LINGO2: variants seen among roughly 807,000 people sequenced by gnomAD.
LINGO2 encodes the protein leucine rich repeat and Ig domain containing 2.
LINGO2 carries 14 observed loss-of-function variants against 30.6 expected under a neutral mutation model. The ratio of observed to expected loss-of-function variants is 0.46; its 90% CI spans 0.30 to 0.72. LINGO2 has a LOEUF of 0.72. LINGO2 is among the 30% of genes least tolerant of loss of function. The pLI is 0.07. For missense variants in LINGO2, 729 were observed against 751.7 expected (o/e 0.97, Z 0.35); for synonymous variants, 317 against 288.5 (o/e 1.10, Z -1.00).
chr9:28,818,476 C>T, the LINGO2 span, among the ~76,000 whole-genome samples: 1 of 152,138 alleles, frequency 6.6e-6, no homozygotes, highest in Admixed American at 6.5e-5. Flanking sequence ...CCTCTACCTC[C>T]TGGGTTCAAG....
At chr9:29,114,009 T>A in the LINGO2 span, among the ~76,000 whole-genome samples, 1 of 151,676 alleles carries the variant, frequency 6.6e-6, no homozygotes, top group Non-Finnish European at 1.5e-5. Flanking sequence ...ACAACAACAA[T>A]GCTCCTGCTC....
the LINGO2 span, among the ~76,000 whole-genome samples, chr9:28,731,082 C>G: frequency 1.3e-5 from 2 of 152,032 alleles, no homozygotes; most frequent in Non-Finnish European, 2.9e-5. Context: ...CCTCTGCCTC[C>G]CGGATTGAAG....
At chr9:29,110,113 G>T in the LINGO2 span, among the ~76,000 whole-genome samples, 5 of 143,394 alleles carry the variant, frequency 3.5e-5, no homozygotes, top group Non-Finnish European at 7.7e-5. Context: ...GTTAGTGCTT[G>T]TATATGCAAG....
chr9:28,541,587 T>A (rs980281303), intron 1 of LINGO2, among the ~76,000 whole-genome samples: 2 of 152,172 alleles, frequency 1.3e-5, no homozygotes, highest in East Asian at 3.9e-4. Flanking sequence ...TGGGAAGCCA[T>A]GTCCACTAAT....
the LINGO2 span, among the ~76,000 whole-genome samples, chr9:28,989,788 G>A: frequency 6.6e-5 from 10 of 152,154 alleles, no homozygotes. Flanking sequence ...ATGAGATTAA[G>A]TTTTAGAAAG....
the LINGO2 span, among the ~76,000 whole-genome samples, chr9:29,212,774 T>C: frequency 1.3e-5 from 2 of 152,156 alleles, no homozygotes; most frequent in East Asian, 1.9e-4. Flanking sequence ...CCGCACCGGC[T>C]ACTCCCTGAC....
intron 1 of LINGO2, among the ~76,000 whole-genome samples, chr9:28,665,891 C>CTT (rs35393752): frequency 5.3e-5 from 7 of 132,446 alleles, no homozygotes; most frequent in East Asian, 2.2e-4. Context: ...TTTGGTGTTA[C>CTT]TTTTTTTTTT....
At chr9:28,023,046 T>C (rs1163537846) in intron 4 of LINGO2, among the ~76,000 whole-genome samples, 1 of 152,124 alleles carries the variant, frequency 6.6e-6, no homozygotes, top group South Asian at 2.1e-4. Context: ...TCTCTGATTA[T>C]ATTAATCATG....
the LINGO2 span, among the ~76,000 whole-genome samples, chr9:28,794,378 C>G: frequency 0.71 from 108,568 of 152,126 alleles, 38,836 homozygotes; most frequent in Middle Eastern, 0.82. Context: ...ACTAGATTAA[C>G]TTTATGCTAC....
chr9:28,293,683 T>A (rs10968453), intron 4 of LINGO2, among the ~76,000 whole-genome samples: 1 of 152,022 alleles, frequency 6.6e-6, no homozygotes, highest in Non-Finnish European at 1.5e-5. Context: ...AATGTTAACG[T>A]CTCCAAAAAA....
intron 3 of LINGO2, among the ~76,000 whole-genome samples, chr9:28,301,874 G>C (rs572691861): frequency 2.0e-5 from 3 of 152,178 alleles, no homozygotes; most frequent in South Asian, 4.1e-4. Flanking sequence ...GCTAACCATG[G>C]ACCTCTCAGC....
intron 4 of LINGO2, chr9:28,080,877 C>G (rs1825753945): frequency 6.6e-6 from 1 of 152,094 alleles, no homozygotes; most frequent in Admixed American, 6.6e-5. Flanking sequence ...TGGGAGGAGG[C>G]CATGAAGAGA....
the LINGO2 span, among the ~76,000 whole-genome samples, chr9:28,683,294 G>A: frequency 4.6e-5 from 7 of 151,944 alleles, no homozygotes; most frequent in Admixed American, 6.6e-5. Context: ...TAGATGAGCC[G>A]AACACATTTT....
the LINGO2 span, among the ~76,000 whole-genome samples, chr9:29,078,338 A>G: frequency 6.6e-6 from 1 of 152,086 alleles, no homozygotes; most frequent in South Asian, 2.1e-4. Flanking sequence ...TAACTTGTTT[A>G]GGAAATGAAA....
In LINGO2 at chr9:28,378,702, A is replaced by C. The variant is rs758092341; in HGVS notation, c.-278-5834T>G. 2.0e-5 allele frequency among the ~76,000 whole-genome samples: 3 copies of C among 152,314 alleles called. No homozygotes were observed. In the East Asian group the frequency reaches 5.8e-4, roughly 29 times the overall value. On this transcript the variant is annotated intron_variant, in intron 2 of 5. Coordinates refer to ENST00000379992, the Ensembl canonical transcript of LINGO2. ...AATACATAAACCTGGAAACTTCAGA[A>C]AGGCAGCAACATAGATTTACATCAA...
intron 5 of LINGO2, among the ~76,000 whole-genome samples, chr9:27,973,722 C>T (rs928975194): frequency 3.3e-5 from 5 of 152,030 alleles, no homozygotes; most frequent in Non-Finnish European, 7.4e-5. Context: ...CCTGGGCGTC[C>T]TTGAAGACCA....
chr9:28,377,237 C>T (rs1821164604), intron 2 of LINGO2, among the ~76,000 whole-genome samples: 1 of 152,130 alleles, frequency 6.6e-6, no homozygotes, highest in Admixed American at 6.6e-5. Context: ...CCCGAGAGAG[C>T]AAGACCAACC....
intron 4 of LINGO2, among the ~76,000 whole-genome samples, chr9:28,084,240 A>G (rs1048450032): frequency 6.6e-6 from 1 of 152,258 alleles, no homozygotes; most frequent in Admixed American, 6.5e-5. Context: ...TGGTACTAAA[A>G]TCATTCTAAT....
chr9:29,204,083 T>C, the LINGO2 span, among the ~76,000 whole-genome samples: 1 of 152,140 alleles, frequency 6.6e-6, no homozygotes, highest in Non-Finnish European at 1.5e-5. Flanking sequence ...CAGATGATGA[T>C]TATGGGAATT....
Sources: gnomAD v4.1 joint callset for allele counts (sites outside exome capture counted in the v4.1 genomes callset) on GRCh38, gnomAD v4.1.1 for gene constraint, MANE v1.5 for transcripts, NCBI Gene and HGNC (gene_info 2026-07-23, HGNC 2026-07-21) for gene names.